The following IQSEC3 variants were observed in gnomAD, a reference collection of about 807,000 sequenced individuals.
The protein encoded by IQSEC3 is IQ motif and Sec7 domain ArfGEF 3.
A neutral mutation model predicts 105.4 loss-of-function variants in IQSEC3; 50 were observed. The observed-to-expected ratio is 0.47, with a 90% confidence interval of 0.38 to 0.60. IQSEC3 has a LOEUF of 0.60. Among genes scored for constraint, IQSEC3 ranks in the 20% least tolerant of loss-of-function variants. IQSEC3 has a pLI of 0.00. For missense variants in IQSEC3, 1,415 were observed against 1,630.0 expected (o/e 0.87, Z 2.27); for synonymous variants, 708 against 746.0 (o/e 0.95, Z 0.83).
intron 2 of IQSEC3, among the ~76,000 whole-genome samples, chr12:114,905 G>A (rs1865002554): frequency 1.3e-5 from 2 of 152,214 alleles, no homozygotes; most frequent in Non-Finnish European, 2.9e-5. Flanking sequence ...CATACAGCAG[G>A]AGCCTAGCAC....
intron 1 of IQSEC3, among the ~76,000 whole-genome samples, chr12:91,058 C>A (rs150307089): frequency 0.012 from 1,776 of 152,218 alleles, 21 homozygotes; most frequent in African/African-American, 0.031. Context: ...TAGAGAGGTT[C>A]CCTGGCTGTT....
In IQSEC3 at chr12:177,164, A is replaced by G. The variant is rs1462552636; in HGVS notation, c.*2131A>G. 6.8e-6 allele frequency: 1 copy of G among 147,662 alleles called. No homozygotes were observed. The highest frequency in any genetic ancestry group is 2.5e-5 in the African/African-American group (1 of 39,436). 9.1% of individuals were successfully genotyped at this position (147,662 alleles called of 1,614,324 possible). A position where few individuals can be genotyped will look rare whatever the true frequency, so the allele number is the denominator to read the frequency against. On this transcript the variant is annotated 3_prime_UTR_variant, in exon 14 of 14. Coordinates refer to ENST00000538872, the MANE Select transcript of IQSEC3 (RefSeq NM_001170738.2). This position sits in a 1 kb window ranked among gnomAD's most constrained non-coding sequence, Gnocchi z 5.3. The stretch of plus-strand genomic sequence containing the variant: ...CGTCCCCTGCTCACACAGCTCTTCA[A>G]ACTTACCAAGGACAGGCAGGACCCC...
At chr12:73,428 A>C (rs1256427285) in intron 1 of IQSEC3, among the ~76,000 whole-genome samples, 1 of 152,266 alleles carries the variant, frequency 6.6e-6, no homozygotes, top group South Asian at 2.1e-4. Context: ...GTATTTCTAC[A>C]GATAAAGAAA....
intron 6 of IQSEC3, 42 bp downstream of exon 6, chr12:157,189 G>A (rs375576651): frequency 1.7e-4 from 253 of 1,492,178 alleles, no homozygotes; most frequent in Non-Finnish European, 2.0e-4. Flanking sequence ...AGACCCCAGC[G>A]TGGGGAAGCC....
At chr12:90,536 T>C (rs1367848514) in intron 1 of IQSEC3, among the ~76,000 whole-genome samples, 1 of 152,260 alleles carries the variant, frequency 6.6e-6, no homozygotes, top group Non-Finnish European at 1.5e-5. Flanking sequence ...GTCTATTTTT[T>C]TGCATCTGGA....
rs990468027 is a variant in IQSEC3, at chr12:177,080, G to C, written c.*2047G>C. 2 of 152,254 alleles carry C rather than the reference G, an allele frequency of 1.3e-5. No homozygotes were observed. The highest frequency in any genetic ancestry group is 2.4e-5 in the African/African-American group (1 of 41,430). 9.4% of individuals were successfully genotyped at this position (152,254 alleles called of 1,614,324 possible). On this transcript the variant is annotated 3_prime_UTR_variant, in exon 14 of 14. Coordinates refer to ENST00000538872, the MANE Select transcript of IQSEC3 (RefSeq NM_001170738.2). The surrounding 1 kb of genome is among the most constrained non-coding windows in gnomAD (Gnocchi z 5.3). ...TATGAGCTAAATATACTTATGGGGT[G>C]GGGGCCGTGGGGGCCAGGGACACTC...
At chr12:85,000 C>G (rs1190814566) in intron 1 of IQSEC3, among the ~76,000 whole-genome samples, 1 of 151,984 alleles carries the variant, frequency 6.6e-6, no homozygotes, top group African/African-American at 2.4e-5. Flanking sequence ...CTCGGGAGGT[C>G]GTCAAACCTC....
At chr12:92,021 G>A (rs1193999780) in intron 1 of IQSEC3, among the ~76,000 whole-genome samples, 1 of 152,062 alleles carries the variant, frequency 6.6e-6, no homozygotes, top group Non-Finnish European at 1.5e-5. Context: ...CTCACAGCAC[G>A]ACTAGGGATC....
At chr12:113,345 GAGGAAATACTCGGAGAAGATA>G (rs1555079995) in intron 2 of IQSEC3, among the ~76,000 whole-genome samples, 1 of 152,242 alleles carries the variant, frequency 6.6e-6, no homozygotes, top group African/African-American at 2.4e-5. Flanking sequence ...TTTTACAGCT[GAGGAAATACTCGGAGAAGATA>G]AGCAACTTGT....
intron 2 of IQSEC3, among the ~76,000 whole-genome samples, chr12:120,328 G>C (rs1865177219): frequency 6.6e-6 from 1 of 152,180 alleles, no homozygotes; most frequent in Non-Finnish European, 1.5e-5. Context: ...GGTGGCCTGA[G>C]AGGGTTCGGC....
chr12:76,532 A>C (rs1412203620), intron 1 of IQSEC3, among the ~76,000 whole-genome samples: 1 of 152,188 alleles, frequency 6.6e-6, no homozygotes, highest in Non-Finnish European at 1.5e-5. Context: ...CGCCATCAGC[A>C]CTCCCAGTTC....
chr12:71,074 A>G (rs1457326638), intron 1 of IQSEC3, among the ~76,000 whole-genome samples: 1 of 152,266 alleles, frequency 6.6e-6, no homozygotes, highest in Non-Finnish European at 1.5e-5. Flanking sequence ...TATCCTTTAA[A>G]CACAAAATCA....
Position 174,628 on chromosome 12 carries a change from C to G in IQSEC3, c.3144C>G (p.Ser1048=). ...CAATTCACAACAGGCTTCAAACGTC[C>G]CAGCACAACTCCGGGCTGGGGGCCG... is the stretch of plus-strand genomic sequence containing the variant. ...EVSIHNRLQT[S]QHNSGLGAER... Residue 1048 remains serine (S), a synonymous_variant, in exon 14 of 14, where the codon TCC becomes TCG. Coordinates refer to ENST00000538872, the MANE Select transcript of IQSEC3 (RefSeq NM_001170738.2). 6.4e-7 allele frequency: 1 copy of G among 1,567,156 alleles called. No homozygotes were observed. Among genetic ancestry groups the G allele is most frequent in the Non-Finnish European group, 8.6e-7 (1 of 1,165,122 alleles).
chr12:153,970 G>A (rs782355329), intron 5 of IQSEC3, among the ~76,000 whole-genome samples: 3 of 152,126 alleles, frequency 2.0e-5, no homozygotes, highest in Non-Finnish European at 4.4e-5. Flanking sequence ...CCAGCGAGCT[G>A]CATTTTAACA....
intron 1 of IQSEC3, among the ~76,000 whole-genome samples, chr12:79,192 T>A (rs1219210611): frequency 1.3e-5 from 2 of 150,886 alleles, no homozygotes; most frequent in African/African-American, 4.9e-5. Context: ...GCAGGGGCTG[T>A]GGCCAGACCA....
chr12:174,535 C>G, intron 13 of IQSEC3, 64 bp from the exon 14 acceptor site: 3 of 1,427,350 alleles, frequency 2.1e-6, no homozygotes, highest in Non-Finnish European at 2.8e-6. Flanking sequence ...ACAGGGCAGC[C>G]TGTCCTAGCA....
At chr12:107,074 C>T (rs2136934034) in intron 2 of IQSEC3, among the ~76,000 whole-genome samples, 1 of 152,294 alleles carries the variant, frequency 6.6e-6, no homozygotes, top group East Asian at 1.9e-4. Context: ...ACAGGAAGGA[C>T]AGCTGCCTAT....
intron 2 of IQSEC3, among the ~76,000 whole-genome samples, chr12:112,869 T>A (rs1340029462): frequency 4.6e-5 from 7 of 152,154 alleles, no homozygotes; most frequent in Non-Finnish European, 7.3e-5. Flanking sequence ...TGCACTGTTT[T>A]TTTTCCTACA....
chr12:73,116 A>G (rs1407465290), intron 1 of IQSEC3, among the ~76,000 whole-genome samples: 26 of 152,030 alleles, frequency 1.7e-4, no homozygotes, highest in Middle Eastern at 3.4e-3. Flanking sequence ...ATCAGGAGTA[A>G]GGCAAGGGCA....
Sources: gnomAD v4.1 joint callset for allele counts (sites outside exome capture counted in the v4.1 genomes callset) on GRCh38, gnomAD v4.1.1 for gene constraint, Gnocchi (gnomAD v3.1) non-coding constraint, MANE v1.5 for transcripts, NCBI Gene and HGNC (gene_info 2026-07-23, HGNC 2026-07-21) for gene names.